Variants in PTPRD observed in about 807,000 individuals in gnomAD.
The protein encoded by PTPRD is protein tyrosine phosphatase receptor type D.
PTPRD carries 34 observed loss-of-function variants against 214.5 expected under a neutral mutation model. The ratio of observed to expected loss-of-function variants is 0.16; its 90% CI spans 0.12 to 0.21. The LOEUF (loss-of-function observed/expected upper bound fraction) is 0.21. Ranked by LOEUF, PTPRD falls within the 10% of genes least tolerant of loss-of-function variation. The probability of loss-of-function intolerance (pLI) is 1.00; values close to 1 mark genes in which losing one functional copy is unlikely to be tolerated. For synonymous variants in PTPRD, 1,128 were observed against 845.7 expected (o/e 1.33, Z -5.79); for missense variants, 2,545 against 2,398.7 (o/e 1.06, Z -1.27).
chr9:8,939,048 T>C (rs2099015151), intron 11 of PTPRD, among the ~76,000 whole-genome samples: 1 of 152,186 alleles, frequency 6.6e-6, no homozygotes, highest in Admixed American at 6.5e-5. Context: ...TTTATTTATT[T>C]TTTATACTAT....
chr9:8,608,358 T>A (rs375604197), intron 14 of PTPRD, among the ~76,000 whole-genome samples: 1 of 152,176 alleles, frequency 6.6e-6, no homozygotes, highest in East Asian at 1.9e-4. Context: ...AGGGCCAGCA[T>A]ATGGTATTCC....
intron 9 of PTPRD, among the ~76,000 whole-genome samples, chr9:9,323,449 C>G (rs1340227401): frequency 6.6e-6 from 1 of 152,112 alleles, no homozygotes; most frequent in Non-Finnish European, 1.5e-5. Flanking sequence ...TATGCCAATG[C>G]TAATCAATAT....
At chr9:9,474,660 ATTAG>A (rs2094888025) in intron 8 of PTPRD, among the ~76,000 whole-genome samples, 1 of 143,096 alleles carries the variant, frequency 7.0e-6, no homozygotes, top group Non-Finnish European at 1.5e-5. Flanking sequence ...ATTTTGCTTC[ATTAG>A]TTAAATCTAT....
chr9:9,083,873 G>A (rs558267199), intron 10 of PTPRD, among the ~76,000 whole-genome samples: 2 of 152,264 alleles, frequency 1.3e-5, no homozygotes, highest in South Asian at 4.1e-4. Context: ...ACACCAGTTA[G>A]AATGGTGATC....
At chr9:10,365,281 C>T (rs1301273699) in intron 2 of PTPRD, among the ~76,000 whole-genome samples, 2 of 152,132 alleles carry the variant, frequency 1.3e-5, no homozygotes, top group Non-Finnish European at 2.9e-5. Context: ...TAGATTTAAG[C>T]CCAAACTACT....
intron 9 of PTPRD, among the ~76,000 whole-genome samples, chr9:9,194,335 A>G (rs1241088139): frequency 1.3e-5 from 2 of 152,334 alleles, no homozygotes; most frequent in East Asian, 3.9e-4. Context: ...TTAAAAGTAT[A>G]GCATAGTTAA....
intron 8 of PTPRD, among the ~76,000 whole-genome samples, chr9:9,409,541 T>G (rs567066358): frequency 6.6e-6 from 1 of 151,954 alleles, no homozygotes; most frequent in East Asian, 1.9e-4. Context: ...AAAAAACAAA[T>G]TAAAGGAGAC....
chr9:9,794,540 C>T (rs973732847), intron 5 of PTPRD, among the ~76,000 whole-genome samples: 1 of 151,932 alleles, frequency 6.6e-6, no homozygotes, highest in Non-Finnish European at 1.5e-5. Context: ...GTGAGGGATA[C>T]TGAACGATAA....
At chr9:9,785,889 A>T (rs1303763224) in intron 5 of PTPRD, among the ~76,000 whole-genome samples, 2 of 152,158 alleles carry the variant, frequency 1.3e-5, no homozygotes, top group African/African-American at 2.4e-5. Context: ...TATTCAAAAA[A>T]AATTCAAAGC....
intron 2 of PTPRD, among the ~76,000 whole-genome samples, chr9:10,359,629 C>T (rs941554616): frequency 5.3e-5 from 8 of 152,042 alleles, no homozygotes; most frequent in African/African-American, 1.7e-4. Flanking sequence ...ATGGGTTGAA[C>T]ATAAATCTCG....
chr9:10,039,685 A>T (rs1394309369), intron 3 of PTPRD, among the ~76,000 whole-genome samples: 1 of 151,626 alleles, frequency 6.6e-6, no homozygotes, highest in African/African-American at 2.4e-5. Flanking sequence ...GGGAAAAAAA[A>T]ACAAAGGGGT....
At chr9:8,920,346 A>T (rs542323899) in intron 11 of PTPRD, among the ~76,000 whole-genome samples, 95 of 151,138 alleles carry the variant, frequency 6.3e-4, no homozygotes, top group South Asian at 3.7e-3. Flanking sequence ...AAAAAAAAAT[A>T]TTAAGACAAT....
At chr9:9,883,155 C>T (rs984616958) in intron 5 of PTPRD, among the ~76,000 whole-genome samples, 6 of 151,946 alleles carry the variant, frequency 3.9e-5, no homozygotes, top group East Asian at 1.9e-4. Context: ...AACAAACCCC[C>T]CAAGAGGCGA....
chr9:10,439,146 C>T (rs775924771), intron 2 of PTPRD, among the ~76,000 whole-genome samples: 1 of 151,844 alleles, frequency 6.6e-6, no homozygotes, highest in Non-Finnish European at 1.5e-5. Context: ...ATGTTTTAAG[C>T]CATTTAGTCT....
chr9:9,772,799 A>G (rs2098763199), intron 5 of PTPRD, among the ~76,000 whole-genome samples: 1 of 151,886 alleles, frequency 6.6e-6, no homozygotes, highest in Non-Finnish European at 1.5e-5. Flanking sequence ...TAAATTGAAA[A>G]GCAATTTACA....
intron 14 of PTPRD, among the ~76,000 whole-genome samples, chr9:8,595,410 G>T (rs2094427054): frequency 6.6e-6 from 1 of 152,100 alleles, no homozygotes; most frequent in African/African-American, 2.4e-5. Flanking sequence ...GAATTTAAAT[G>T]CCATACAGGG....
chr9:8,333,007 G>C (rs1554708219), intron 43 of PTPRD, among the ~76,000 whole-genome samples: 1 of 152,176 alleles, frequency 6.6e-6, no homozygotes, highest in Non-Finnish European at 1.5e-5. Context: ...ATTGAGAAGA[G>C]AGAGGATCTC....
chr9:9,683,882 C>G (rs527605944), intron 7 of PTPRD, among the ~76,000 whole-genome samples: 8 of 151,616 alleles, frequency 5.3e-5, no homozygotes, highest in African/African-American at 1.4e-4. Flanking sequence ...TTCTAACATA[C>G]CAACTATTCT....
At chr9:8,848,376 T>C (rs1038364580) in intron 11 of PTPRD, among the ~76,000 whole-genome samples, 6 of 149,596 alleles carry the variant, frequency 4.0e-5, no homozygotes, top group Admixed American at 2.7e-4. Context: ...TGCTCTGTTA[T>C]ACAGACTAGA....
Sources: gnomAD v4.1 joint callset for allele counts (sites outside exome capture counted in the v4.1 genomes callset) on GRCh38, gnomAD v4.1.1 for gene constraint, MANE v1.5 for transcripts, NCBI Gene and HGNC (gene_info 2026-07-23, HGNC 2026-07-21) for gene names.